PRRC2A: variants seen among roughly 807,000 people sequenced by gnomAD.
PRRC2A encodes the protein protein PRRC2A.
A neutral mutation model predicts 224.6 loss-of-function variants in PRRC2A; 59 were observed. The observed-to-expected ratio is 0.26, with a 90% CI of 0.21 to 0.33. The LOEUF (loss-of-function observed/expected upper bound fraction) is 0.33. Among genes scored for constraint, PRRC2A ranks in the 10% least tolerant of loss-of-function variants. The probability of loss-of-function intolerance (pLI) is 1.00; values close to 1 mark genes in which losing one functional copy is unlikely to be tolerated. For synonymous variants in PRRC2A, 1,194 were observed against 1,109.5 expected (o/e 1.08, Z -1.51); for missense variants, 3,095 against 2,880.7 (o/e 1.07, Z -1.70).
At position 31,625,260 on chromosome 6, in the gene PRRC2A, G is replaced by A; in HGVS notation, c.553G>A (p.Glu185Lys). Residue 185 changes from glutamate to lysine, a missense_variant, in exon 6 of 31, where the codon GAA becomes AAA. Transcript: ENST00000376033. This position sits in a 1 kb window ranked among gnomAD's most constrained non-coding sequence, Gnocchi z 4.1. ...AAGDQDKAAK[E>K]RESAEQSSGP... ...TGGCGACCAGGACAAGGCTGCCAAG[G>A]AAAGGGAGTCTGCCGAACAGTCGTC... 1 of 1,613,286 alleles carries A rather than the reference G, an allele frequency of 6.2e-7. No homozygotes were observed. The highest frequency in any genetic ancestry group is 8.5e-7 in the Non-Finnish European group (1 of 1,180,050).
intron 2 of PRRC2A, 197 bp downstream of exon 2, chr6:31,623,098 C>T (rs531447624): frequency 3.9e-6 from 3 of 762,108 alleles, no homozygotes; most frequent in South Asian, 1.4e-5. Context: ...AAAGGCGTGT[C>T]TGTGGTTCCC....
chr6:31,631,371 C>T lies in PRRC2A; in HGVS notation c.2698C>T (p.Arg900Ter), dbSNP rs1464925342. The T allele has an allele frequency of 6.2e-7, 1 of 1,604,376 alleles. No homozygotes were observed. The highest frequency in any genetic ancestry group is 8.5e-7 in the Non-Finnish European group (1 of 1,176,554). The change falls in exon 16 of 31, where the codon CGA becomes TGA. Residue 900 changes from arginine to a stop codon, truncating the protein, a stop_gained. Transcript: ENST00000376033. LOFTEE classifies it high-confidence loss of function. The surrounding 1 kb of genome is among the most constrained non-coding windows in gnomAD (Gnocchi z 4.5). ...TAQLTGPEAGRKPARGVGSGG... is the reference protein window; with the variant it reads ...TAQLTGPEAG ...ACAGCTGACGGGGCCAGAAGCAGGC[C>T]GAAAGCCTGCCCGCGGAGTCGGGAG... is the stretch of plus-strand genomic sequence containing the variant.
chr6:31,629,976 G>A (rs2242660), intron 14 of PRRC2A, 131 bp downstream of exon 14: 561,045 of 1,422,916 alleles, frequency 0.39, 113,400 homozygotes, highest in African/African-American at 0.6. Context: ...GCATATGCTT[G>A]GCACTGCTGA....
chr6:31,636,027 A>T lies in PRRC2A; in HGVS notation c.5602A>T (p.Thr1868Ser). 6 of 1,613,102 alleles carry T rather than the reference A, an allele frequency of 3.7e-6. No individual in the cohort carries two copies. Among genetic ancestry groups the T allele is most frequent in the Non-Finnish European group, 5.1e-6 (6 of 1,179,116 alleles). Residue 1868 changes from threonine to serine, a missense_variant, in exon 25 of 31, where the codon ACA becomes TCA. This residue lies in a region of PRRC2A where 662 missense variants were observed against 609.5 expected (regional missense o/e 1.09). Transcript: ENST00000376033. This position sits in a 1 kb window ranked among gnomAD's most constrained non-coding sequence, Gnocchi z 4.3. ...HPNSGGFRPG[T>S]PSLHPYRSQP... Reference sequence around the variant, plus strand: ...AAACAGTGGAGGCTTCCGCCCTGGGACACCCTCACTGCACCCTTACAGGTA... The same window carrying T: ...AAACAGTGGAGGCTTCCGCCCTGGGTCACCCTCACTGCACCCTTACAGGTA...
Position 31,629,684 on chromosome 6 carries a change from C to T in PRRC2A, c.2093C>T (p.Pro698Leu), listed in dbSNP as rs1301413352. 2 of 1,603,504 alleles carry T rather than the reference C, an allele frequency of 1.2e-6. No homozygotes were observed. Among genetic ancestry groups the T allele is most frequent in the Non-Finnish European group, 1.7e-6 (2 of 1,174,274 alleles). ...GTGCCAGCTCCACAGGCTCCACCCC[C>T]GCCCCCCAAGGCCCTGTACCCAGGT... The part of the protein sequence containing the change: ...GAVPAPQAPP[P>L]PPKALYPGAL... Residue 698 changes from proline (P) to leucine (L), a missense_variant, in exon 14 of 31, where the codon CCG (proline) becomes CTG (leucine). Pro to Leu is a moderately conservative substitution (Grantham distance 98). Coordinates refer to ENST00000376033, the MANE Select transcript of PRRC2A (RefSeq NM_004638.4).
chr6:31,633,763 G>A, intron 17 of PRRC2A, 96 bp from the exon 18 acceptor site: 1 of 1,528,120 alleles, frequency 6.5e-7, no homozygotes, highest in Admixed American at 2.2e-5. Flanking sequence ...GTTTCTGCAG[G>A]GAGCAAGGGT....
In PRRC2A at chr6:31,631,164, C is replaced by T. The variant is rs1776510913; in HGVS notation, c.2491C>T (p.Pro831Ser). The T allele has an allele frequency of 6.5e-7, 1 of 1,547,378 alleles. No individual in the cohort carries two copies. The highest frequency in any genetic ancestry group is 1.2e-5 in the South Asian group (1 of 81,992). The change falls in exon 16 of 31, where the codon CCA becomes TCA. Residue 831 changes from proline to serine, a missense_variant. Physicochemically the swap from Pro to Ser is moderately conservative, Grantham distance 74. This residue lies in a region of PRRC2A where 2,001 missense variants were observed against 1,764.9 expected (regional missense o/e 1.13). Transcript: ENST00000376033. The surrounding 1 kb of genome is among the most constrained non-coding windows in gnomAD (Gnocchi z 4.5). ...MRSETPPVPPPPPYLASYPGF... is the reference protein window; with the variant it reads ...MRSETPPVPPSPPYLASYPGF... ...GAGCGAGACTCCTCCAGTACCTCCC[C>T]CACCACCCTATCTGGCCAGTTATCC...
chr6:31,623,952 C>G (rs762530089), intron 3 of PRRC2A, 43 bp downstream of exon 3: 2 of 1,600,794 alleles, frequency 1.2e-6, no homozygotes, highest in African/African-American at 1.3e-5. Context: ...GGTATTTTAA[C>G]TTGAACTTCA....
In PRRC2A at chr6:31,633,910, C is replaced by T. The variant is rs916114517; in HGVS notation, c.4640C>T (p.Pro1547Leu). The T allele has an allele frequency of 2.5e-6, 4 of 1,585,112 alleles. No individual in the cohort carries two copies. The highest frequency in any genetic ancestry group is 3.4e-6 in the Non-Finnish European group (4 of 1,173,174). Residue 1547 changes from proline (P) to leucine (L), a missense_variant, in exon 18 of 31, where the codon CCT (proline) becomes CTT (leucine). Around this residue, in one of 8 missense-constraint regions of PRRC2A, gnomAD observed 2,001 missense variants for 1,764.9 expected, o/e 1.13. Coordinates refer to ENST00000376033, the MANE Select transcript of PRRC2A (RefSeq NM_004638.4). ...GPMVRGVGGT[P>L]RDSAGVSPFP... ...ATGGTGAGAGGGGTGGGTGGGACTC[C>T]TCGGGACTCTGCCGGGGTTAGTCCC...
Position 31,624,506 on chromosome 6 carries a change from T to A in PRRC2A, c.447T>A (p.His149Gln). Residue 149 changes from histidine (H) to glutamine (Q), a missense_variant, in exon 5 of 31, where the codon CAT (histidine) becomes CAA (glutamine). Physicochemically the swap from His to Gln is conservative, Grantham distance 24 (BLOSUM62 0). Coordinates refer to ENST00000376033, the MANE Select transcript of PRRC2A (RefSeq NM_004638.4). ...CCTGGGCACAAGCCAGCGTCACCCA[T>A]GGAGCACATGGAGATGGTGAGTGCA... ...VKSWAQASVT[H>Q]GAHGDGGRAS... is the part of the protein sequence containing the mutation. 6.2e-7 allele frequency: 1 copy of A among 1,612,768 alleles called. No homozygotes were observed. The highest frequency in any genetic ancestry group is 1.1e-5 in the South Asian group (1 of 91,046).
chr6:31,626,748 A>G (rs183277052), intron 9 of PRRC2A, 24 bp from the exon 10 acceptor site: 12 of 1,554,474 alleles, frequency 7.7e-6, no homozygotes, highest in Admixed American at 2.0e-5. Flanking sequence ...TGCTTGGGTT[A>G]CTAATACTCA....
chr6:31,625,505 TG>T lies in PRRC2A; in HGVS notation c.655del (p.Glu219ArgfsTer31). 2 of 1,584,618 alleles carry T rather than the reference TG, an allele frequency of 1.3e-6. No individual in the cohort carries two copies. Among genetic ancestry groups the T allele is most frequent in the Non-Finnish European group, 1.7e-6 (2 of 1,161,700 alleles). On this transcript the variant is annotated frameshift_variant, in exon 7 of 31. Coordinates refer to ENST00000376033, the MANE Select transcript of PRRC2A (RefSeq NM_004638.4). LOFTEE classifies it high-confidence loss of function. This position sits in a 1 kb window ranked among gnomAD's most constrained non-coding sequence, Gnocchi z 4.1. ...RDGGGRGPDE[L>X]EGPDSKLHHG... ...GGAGGTGGGCGTGGCCCTGATGAGC[TG>T]GAGGGCCCGGACTCCAAACTTCATC...
chr6:31,637,642 A>AG lies in PRRC2A; in HGVS notation c.*61dup. On this transcript the variant is annotated 3_prime_UTR_variant, in exon 31 of 31. Transcript: ENST00000376033. ...CTTGTATATAGATTATAAATATATA[A>AG]GGGGGAAAGGGGTGGGCGGGGAGGG... 5.3e-6 allele frequency: 1 copy of AG among 188,672 alleles called. No homozygotes were observed. 11.7% of individuals were successfully genotyped at this position (188,672 alleles called of 1,614,324 possible).
In PRRC2A at chr6:31,632,006, G is replaced by A; in HGVS notation, c.3333G>A (p.Glu1111=). ...AGCGGGGCTCAGAAACAGGCAGCGA[G>A]ACCCATGAGAGTGATCTGGCTCCTT... ...RRQRGSETGS[E]THESDLAPSD... The change falls in exon 16 of 31, where the codon GAG becomes GAA. Residue 1111 remains glutamate (E), a synonymous_variant. Transcript: ENST00000376033. 6.2e-7 allele frequency: 1 copy of A among 1,610,640 alleles called. No homozygotes were observed. Among genetic ancestry groups the A allele is most frequent in the Non-Finnish European group, 8.5e-7 (1 of 1,178,586 alleles).
rs80271556 is a variant in PRRC2A, at chr6:31,629,416, G to T, written c.1956+82G>T. On this transcript the variant is annotated intron_variant, in intron 13 of 30. Coordinates refer to ENST00000376033, the MANE Select transcript of PRRC2A (RefSeq NM_004638.4). ...AATTCTCTTCATAAGTTACCTTCTG[G>T]GTCCCTTTGCTTCTTTGTCCAGTTG... 119 of 1,503,646 alleles carry T rather than the reference G, an allele frequency of 7.9e-5. No homozygotes were observed. In the East Asian group the frequency reaches 2.7e-3, roughly 34 times the overall value. The allele number at this position is 1,503,646 out of a possible 1,614,324, so 93.1% of individuals were successfully genotyped here. A position where few individuals can be genotyped will look rare whatever the true frequency, so the allele number is the denominator to read the frequency against.
rs937094516 is a variant in PRRC2A, at chr6:31,627,318, C to T, written c.1290+120C>T. 39 of 722,742 alleles carry T rather than the reference C, an allele frequency of 5.4e-5. No individual in the cohort carries two copies. The highest frequency in any genetic ancestry group is 8.7e-5 in the Non-Finnish European group (38 of 438,258). 44.8% of individuals were successfully genotyped at this position (722,742 alleles called of 1,614,324 possible). On this transcript the variant is annotated intron_variant, in intron 11 of 30. Transcript: ENST00000376033. This position sits in a 1 kb window ranked among gnomAD's most constrained non-coding sequence, Gnocchi z 5.6. The stretch of plus-strand genomic sequence containing the variant: ...GCTAAAAATGGGCTGTGTGAAGTGC[C>T]AGGCTGCAGAACATCCTGGGAAGCT...
Position 31,634,931 on chromosome 6 carries a change from AACCTCCTAGGAGACCACC to A in PRRC2A, c.5119_5136del (p.Pro1707_Pro1712del). Reference sequence around the variant, plus strand: ...CCTTGTGAGGGTCCACCTGGCTCTGAACCTCCTAGGAGACCACCACCTGCCCCCCACGATGGGGACAGA... The same window carrying A: ...CCTTGTGAGGGTCCACCTGGCTCTGAACCTGCCCCCCACGATGGGGACAGA... On this transcript the variant is annotated inframe_deletion, in exon 21 of 31. Transcript: ENST00000376033. 1 of 1,612,798 alleles carries A rather than the reference AACCTCCTAGGAGACCACC, an allele frequency of 6.2e-7. No homozygotes were observed. The highest frequency in any genetic ancestry group is 8.5e-7 in the Non-Finnish European group (1 of 1,179,938).
Position 31,625,332 on chromosome 6 carries a change from G to A in PRRC2A, c.607+18G>A, listed in dbSNP as rs763725629. 2 of 1,614,030 alleles carry A rather than the reference G, an allele frequency of 1.2e-6. No individual in the cohort carries two copies. The highest frequency in any genetic ancestry group is 2.2e-5 in the East Asian group (1 of 44,890). The stretch of plus-strand genomic sequence containing the variant: ...CCCCCAAAGTGAGTGGCTGCCTTTT[G>A]GCCAAGACATTACCTATTGCATCTC... On this transcript the variant is annotated intron_variant, in intron 6 of 30. Coordinates refer to ENST00000376033, the MANE Select transcript of PRRC2A (RefSeq NM_004638.4). This position sits in a 1 kb window ranked among gnomAD's most constrained non-coding sequence, Gnocchi z 4.1.
Position 31,634,459 on chromosome 6 carries a change from C to T in PRRC2A, c.4850-13C>T. The T allele has an allele frequency of 6.2e-7, 1 of 1,612,796 alleles. No homozygotes were observed. Among genetic ancestry groups the T allele is most frequent in the East Asian group, 2.2e-5 (1 of 44,884 alleles). On this transcript the variant is annotated splice_polypyrimidine_tract_variant and intron_variant, in intron 19 of 30. Coordinates refer to ENST00000376033, the MANE Select transcript of PRRC2A (RefSeq NM_004638.4). ...CTCCTCACTTCTCTTCTGGTTGGTG[C>T]TCCCTTCTCCAGCCACTAGCCGAAA...
Sources: gnomAD v4.1 joint callset for allele counts on GRCh38, gnomAD v4.1.1 for gene constraint, gnomAD v4.1.1 regional missense constraint, Gnocchi (gnomAD v3.1) non-coding constraint, MANE v1.5 for transcripts, NCBI Gene and HGNC (gene_info 2026-07-23, HGNC 2026-07-21) for gene names.